RIPOR2: variants seen among roughly 807,000 people sequenced by gnomAD.
RIPOR2 encodes the protein rho family-interacting cell polarization regulator 2.
Under a neutral mutation model 114.5 loss-of-function variants are expected in RIPOR2, and 39 were observed. That is an observed-to-expected ratio of 0.34 (90% CI 0.26 to 0.44). The LOEUF (loss-of-function observed/expected upper bound fraction) is 0.44, where lower values mean the gene tolerates loss of function less well. Ranked by LOEUF, RIPOR2 falls within the 20% of genes least tolerant of loss-of-function variation. The pLI is 1.00. For missense variants in RIPOR2, 1,007 were observed against 1,255.1 expected (o/e 0.80, Z 2.99); for synonymous variants, 445 against 484.4 (o/e 0.92, Z 1.07).
chr6:24,899,145 T>A (rs1768170315), intron 1 of RIPOR2, among the ~76,000 whole-genome samples: 1 of 152,130 alleles, frequency 6.6e-6, no homozygotes, highest in South Asian at 2.1e-4. Context: ...CACTGGATCA[T>A]GAAGGTTCAG....
At chr6:24,911,736 A>G (rs1769626158) in intron 1 of RIPOR2, among the ~76,000 whole-genome samples, 1 of 152,198 alleles carries the variant, frequency 6.6e-6, no homozygotes, top group Admixed American at 6.5e-5. Context: ...TGGAAACTGT[A>G]TGGAACTGGG....
At chr6:24,885,137 G>A (rs1020745834) in intron 1 of RIPOR2, among the ~76,000 whole-genome samples, 3 of 152,172 alleles carry the variant, frequency 2.0e-5, no homozygotes, top group Non-Finnish European at 4.4e-5. Context: ...AAGATAACAT[G>A]AGTATACATA....
chr6:25,032,346 G>C (rs1777030439), intron 1 of RIPOR2, among the ~76,000 whole-genome samples: 1 of 152,076 alleles, frequency 6.6e-6, no homozygotes, highest in Non-Finnish European at 1.5e-5. Context: ...CTTTCTGCAG[G>C]CTCAGGCTTT....
At chr6:24,897,924 T>C (rs866745109) in intron 1 of RIPOR2, among the ~76,000 whole-genome samples, 9 of 151,928 alleles carry the variant, frequency 5.9e-5, no homozygotes, top group African/African-American at 2.2e-4. Flanking sequence ...CATGCCTGGC[T>C]GAGGCAGGAG....
rs577094208 is a variant in RIPOR2, at chr6:24,835,692, G to C, written c.2208+11C>G. 3.9e-6 allele frequency: 6 copies of C among 1,550,260 alleles called. No homozygotes were observed. The highest frequency in any genetic ancestry group is 5.2e-6 in the Non-Finnish European group (6 of 1,145,838). ...CTGGCATCTCAAACACAAATTCATC[G>C]CTGATCCTACCTGCACGAGTTGGGT... On this transcript the variant is annotated intron_variant, in intron 15 of 21. Transcript: ENST00000643898.
chr6:25,025,876 A>G (rs1202971160), intron 1 of RIPOR2, among the ~76,000 whole-genome samples: 1 of 152,196 alleles, frequency 6.6e-6, no homozygotes, highest in Non-Finnish European at 1.5e-5. Flanking sequence ...AGGAGACTGA[A>G]TTATGGGCTT....
chr6:24,806,524 A>C lies in RIPOR2; in HGVS notation c.3044-51T>G, dbSNP rs4074420. On this transcript the variant is annotated intron_variant, in intron 21 of 21. Transcript: ENST00000643898. ...TACCAATTCAAACAACGTTTTTATT[A>C]ATTACTCAAAGTAACATAGTGCCAT... 674,610 of 1,340,190 alleles carry C rather than the reference A, an allele frequency of 0.5. 174,756 individuals carry two copies. Among genetic ancestry groups the C allele is most frequent in the Non-Finnish European group, 0.54 (520,015 of 965,906 alleles). 83.0% of individuals were successfully genotyped at this position (1,340,190 alleles called of 1,614,324 possible). A position where few individuals can be genotyped will look rare whatever the true frequency, so the allele number is the denominator to read the frequency against.
intron 1 of RIPOR2, chr6:24,910,648 C>T (rs748988586): frequency 9.5e-6 from 2 of 211,238 alleles, no homozygotes; most frequent in Non-Finnish European, 1.6e-5. Context: ...ACCCTGTGGG[C>T]TTCAGATGCC....
At chr6:24,913,333 C>T (rs1357080055) in intron 1 of RIPOR2, among the ~76,000 whole-genome samples, 1 of 152,168 alleles carries the variant, frequency 6.6e-6, no homozygotes, top group South Asian at 2.1e-4. Context: ...CTGCATCTCC[C>T]CTTGAGGGAG....
intron 1 of RIPOR2, among the ~76,000 whole-genome samples, chr6:24,942,067 T>G (rs1255538838): frequency 1.3e-5 from 2 of 152,256 alleles, no homozygotes; most frequent in East Asian, 1.9e-4. Context: ...TTCTCAACTT[T>G]TAAAGAAAGG....
At position 24,839,935 on chromosome 6, in the gene RIPOR2, C is replaced by CTTTTTTTTTTTTTTTTTTTTT. The variant is rs760508182; in HGVS notation, c.1858-684_1858-664dup. On this transcript the variant is annotated intron_variant, in intron 13 of 21. Transcript: ENST00000643898. ...GTTCCCTAGGTAAGAAGCCCTGCATCTTTTTTTTTTTTTTTTTTTTTTTTT... is the reference window on the plus strand; with the variant it reads ...GTTCCCTAGGTAAGAAGCCCTGCATCTTTTTTTTTTTTTTTTTTTTTTTTTTTTTTTTTTTTTTTTTTTTTT... 2.8e-5 allele frequency: 9 copies of CTTTTTTTTTTTTTTTTTTTTT among 318,834 alleles called. 1 individual carries two copies. In the African/African-American group the frequency reaches 5.0e-4, roughly 18 times the overall value. 19.8% of individuals were successfully genotyped at this position (318,834 alleles called of 1,614,324 possible). A position where few individuals can be genotyped will look rare whatever the true frequency, so the allele number is the denominator to read the frequency against.
chr6:25,020,723 TTAGA>T (rs1236619069), intron 1 of RIPOR2, among the ~76,000 whole-genome samples: 1 of 152,200 alleles, frequency 6.6e-6, no homozygotes, highest in Admixed American at 6.5e-5. Context: ...ATGTCCAAAA[TTAGA>T]TAGCCCCAAT....
At chr6:24,844,706 A>G (rs1762084747) in intron 12 of RIPOR2, among the ~76,000 whole-genome samples, 1 of 151,832 alleles carries the variant, frequency 6.6e-6, no homozygotes, top group African/African-American at 2.4e-5. Context: ...CAAACTCCTG[A>G]CCTCAGGTGA....
intron 1 of RIPOR2, among the ~76,000 whole-genome samples, chr6:24,909,087 T>C (rs1769276952): frequency 6.6e-6 from 1 of 152,208 alleles, no homozygotes; most frequent in South Asian, 2.1e-4. Context: ...TTTCAGATGT[T>C]TGGATGCAGT....
intron 15 of RIPOR2, among the ~76,000 whole-genome samples, chr6:24,833,838 G>A (rs544133474): frequency 4.6e-5 from 7 of 152,006 alleles, no homozygotes; most frequent in East Asian, 3.9e-4. Context: ...CCTTATTACC[G>A]AGAGAAACAC....
At chr6:24,913,390 G>C (rs1769822689) in intron 1 of RIPOR2, among the ~76,000 whole-genome samples, 1 of 152,138 alleles carries the variant, frequency 6.6e-6, no homozygotes, top group African/African-American at 2.4e-5. Flanking sequence ...AAGGTGAAGG[G>C]CCAACACAGG....
At chr6:24,846,130 T>C (rs1028483777) in intron 12 of RIPOR2, among the ~76,000 whole-genome samples, 1 of 152,138 alleles carries the variant, frequency 6.6e-6, no homozygotes, top group African/African-American at 2.4e-5. Context: ...ACCCCCAACC[T>C]GTAGCACATG....
chr6:24,861,517 G>A (rs954873631), intron 7 of RIPOR2, among the ~76,000 whole-genome samples: 1 of 152,176 alleles, frequency 6.6e-6, no homozygotes, highest in South Asian at 2.1e-4. Context: ...TCTATGGGAT[G>A]ATTGTCAATT....
chr6:24,889,043 A>C (rs1323081222), intron 1 of RIPOR2, among the ~76,000 whole-genome samples: 1 of 152,240 alleles, frequency 6.6e-6, no homozygotes, highest in Non-Finnish European at 1.5e-5. Context: ...CACTTTAAAA[A>C]GCAGCACTTT....
Sources: gnomAD v4.1 joint callset for allele counts (sites outside exome capture counted in the v4.1 genomes callset) on GRCh38, gnomAD v4.1.1 for gene constraint, MANE v1.5 for transcripts, NCBI Gene and HGNC (gene_info 2026-07-23, HGNC 2026-07-21) for gene names.